Variants in ZC3H18 observed in about 807,000 individuals in gnomAD.
ZC3H18 encodes zinc finger CCCH domain-containing protein 18.
ZC3H18 carries 8 observed loss-of-function variants against 106.1 expected under a neutral mutation model. The ratio of observed to expected loss-of-function variants is 0.08; its 90% CI spans 0.04 to 0.14. The LOEUF (loss-of-function observed/expected upper bound fraction) is 0.14, where lower values mean the gene tolerates loss of function less well. ZC3H18 is among the 10% of genes least tolerant of loss of function. The probability of loss-of-function intolerance (pLI) is 1.00; values close to 1 mark genes in which losing one functional copy is unlikely to be tolerated. For synonymous variants in ZC3H18, 635 were observed against 522.1 expected (o/e 1.22, Z -2.95); for missense variants, 1,318 against 1,278.4 (o/e 1.03, Z -0.47).
At chr16:88,625,130 T>A (rs1906220676) in intron 12 of ZC3H18, 72 bp from the exon 13 acceptor site, 1 of 1,523,562 alleles carries the variant, frequency 6.6e-7, no homozygotes, top group African/African-American at 1.4e-5. Flanking sequence ...ACAGGGCTGC[T>A]GGTGGGGAGG....
At chr16:88,610,847 C>T (rs1905236391) in intron 7 of ZC3H18, among the ~76,000 whole-genome samples, 1 of 152,234 alleles carries the variant, frequency 6.6e-6, no homozygotes, top group Non-Finnish European at 1.5e-5. Context: ...AATGGACTTG[C>T]CCAGGCCACA....
intron 1 of ZC3H18, among the ~76,000 whole-genome samples, chr16:88,575,833 A>G (rs1284254557): frequency 6.6e-6 from 1 of 150,734 alleles, no homozygotes; most frequent in Non-Finnish European, 1.5e-5. Flanking sequence ...CCTGCGTCAG[A>G]CTCCCAAGTA....
Position 88,624,645 on chromosome 16 carries a change from C to G in ZC3H18, c.1942C>G (p.Gln648Glu). Residue 648 changes from glutamine (Q) to glutamate (E), a missense_variant, in exon 12 of 18, where the codon CAG (glutamine) becomes GAG (glutamate). Gln to Glu is a conservative substitution (Grantham distance 29). Transcript: ENST00000301011. ...GCCGGCCCCGCCTCCAGCCCCACCA[C>G]AGGCCACCAAAACCACTGCTCCTGT... is the stretch of plus-strand genomic sequence containing the variant. ...KKPAPPPAPPQATKTTAPVPE... is the reference protein window; with the variant it reads ...KKPAPPPAPPEATKTTAPVPE... 1.2e-6 allele frequency: 2 copies of G among 1,614,034 alleles called. No individual in the cohort carries two copies. The highest frequency in any genetic ancestry group is 8.5e-7 in the Non-Finnish European group (1 of 1,180,002).
At chr16:88,630,761 C>A (rs1021118654) in intron 17 of ZC3H18, among the ~76,000 whole-genome samples, 180 bp downstream of exon 17, 3 of 109,712 alleles carry the variant, frequency 2.7e-5, no homozygotes, top group Non-Finnish European at 4.3e-5. Context: ...CCCCCACCCC[C>A]CCCCACACAC....
chr16:88,612,175 G>A (rs1905308740), intron 8 of ZC3H18, among the ~76,000 whole-genome samples: 1 of 152,194 alleles, frequency 6.6e-6, no homozygotes, highest in Non-Finnish European at 1.5e-5. Context: ...AAATATACTT[G>A]ACTGTTAGAG....
chr16:88,590,560 A>ATTTTTTTTTTTTTT (rs1915685593), intron 3 of ZC3H18, among the ~76,000 whole-genome samples: 2 of 24,112 alleles, frequency 8.3e-5, no homozygotes, highest in Non-Finnish European at 1.8e-4. Context: ...GGGTTTCTTT[A>ATTTTTTTTTTTTTT]TTTCTTTTTT....
Position 88,631,411 on chromosome 16 carries a change from AG to A in ZC3H18, c.*113del. On this transcript the variant is annotated 3_prime_UTR_variant, in exon 18 of 18. Transcript: ENST00000301011. ...TGTGATTCTTTTTAAAAAGTAAAAA[AG>A]AAAAAAAAGTTTCTCAGCTGGAAAA... The A allele has an allele frequency of 7.0e-7, 1 of 1,424,118 alleles. No individual in the cohort carries two copies. The highest frequency in any genetic ancestry group is 9.5e-7 in the Non-Finnish European group (1 of 1,057,976). 88.2% of individuals were successfully genotyped at this position (1,424,118 alleles called of 1,614,324 possible).
In ZC3H18 at chr16:88,625,168, C is replaced by T. The variant is rs375204286; in HGVS notation, c.2043-34C>T. On this transcript the variant is annotated intron_variant, in intron 12 of 17. Transcript: ENST00000301011. ...AGGCCGCGAGGGGCTGTGGAGGCCA[C>T]GCCCCCTGAGCCCCGCTGTTGCTTG... 17 of 1,556,566 alleles carry T rather than the reference C, an allele frequency of 1.1e-5. No individual in the cohort carries two copies. In the Admixed American group the frequency reaches 1.7e-4, roughly 16 times the overall value.
chr16:88,616,237 T>G (rs1234084942), intron 8 of ZC3H18, among the ~76,000 whole-genome samples: 3 of 152,234 alleles, frequency 2.0e-5, no homozygotes, highest in Non-Finnish European at 4.4e-5. Flanking sequence ...CTGTACTAAA[T>G]GAGTTTTTCT....
chr16:88,585,120 T>C lies in ZC3H18; in HGVS notation c.604-1480T>C, dbSNP rs182553065. 3.5e-3 allele frequency among the ~76,000 whole-genome samples: 536 copies of C among 152,358 alleles called. 2 individuals are homozygous for C. The highest frequency in any genetic ancestry group is 6.6e-3 in the Non-Finnish European group (449 of 68,030). On this transcript the variant is annotated intron_variant, in intron 2 of 17. Transcript: ENST00000301011. The stretch of plus-strand genomic sequence containing the variant: ...GAGACATCCTGTCACTTGGCATAAA[T>C]TAAACATGCCTTCTCTGATCATTTC...
chr16:88,597,822 A>G (rs1343344929), intron 3 of ZC3H18, among the ~76,000 whole-genome samples: 1 of 152,270 alleles, frequency 6.6e-6, no homozygotes, highest in Non-Finnish European at 1.5e-5. Flanking sequence ...AGTTGTACCT[A>G]GATGAGCCTG....
At chr16:88,592,478 T>A (rs1419008274) in intron 3 of ZC3H18, among the ~76,000 whole-genome samples, 1 of 152,174 alleles carries the variant, frequency 6.6e-6, no homozygotes. Context: ...TCTTTCATTT[T>A]ATTTTACTTT....
chr16:88,599,954 G>A lies in ZC3H18; in HGVS notation c.1088+6G>A. On this transcript the variant is annotated splice_donor_region_variant and intron_variant, in intron 6 of 17. Coordinates refer to ENST00000301011, the MANE Select transcript of ZC3H18 (RefSeq NM_144604.4). ...AGAGATGTCAGAGACACAGTGTAAG[G>A]AATGGCCCTGCCTGCCCCTCCGTTT... 1 of 1,613,586 alleles carries A rather than the reference G, an allele frequency of 6.2e-7. No homozygotes were observed. The highest frequency in any genetic ancestry group is 8.5e-7 in the Non-Finnish European group (1 of 1,179,716).
chr16:88,570,627 GC>G (rs1914331908), intron 1 of ZC3H18, 61 bp downstream of exon 1: 1 of 150,594 alleles, frequency 6.6e-6, no homozygotes, highest in African/African-American at 2.4e-5. Context: ...GGAGGAGGCC[GC>G]CGAGGCGGCG....
At chr16:88,630,626 G>C (rs750760823) in intron 17 of ZC3H18, 45 bp downstream of exon 17, 1 of 1,527,640 alleles carries the variant, frequency 6.5e-7, no homozygotes, top group South Asian at 1.2e-5. Context: ...GAGGGGGCCA[G>C]CCCCAGTCGC....
chr16:88,577,445 C>T lies in ZC3H18; in HGVS notation c.322C>T (p.Arg108Trp), dbSNP rs376246596. ...GGAGGGGGACGAAGGGGAGGAAGAC[C>T]GGACAAGCGACCTTAGGGATGAGGC... ...EEEGDEGEEDRTSDLRDEASS... is the reference protein window; with the variant it reads ...EEEGDEGEEDWTSDLRDEASS... The change falls in exon 2 of 18, where the codon CGG becomes TGG. Residue 108 changes from arginine (R) to tryptophan (W), a missense_variant. This residue lies in a region of ZC3H18 where 346 missense variants were observed against 269.0 expected (regional missense o/e 1.29). Coordinates refer to ENST00000301011, the MANE Select transcript of ZC3H18 (RefSeq NM_144604.4). 14 of 1,609,178 alleles carry T rather than the reference C, an allele frequency of 8.7e-6. No individual in the cohort carries two copies. Among genetic ancestry groups the T allele is most frequent in the Middle Eastern group, 1.7e-4 (1 of 6,058 alleles).
intron 2 of ZC3H18, among the ~76,000 whole-genome samples, chr16:88,581,055 C>G (rs1915098844): frequency 6.6e-6 from 1 of 152,220 alleles, no homozygotes; most frequent in African/African-American, 2.4e-5. Flanking sequence ...CGTGGCCTAC[C>G]CCTTGGCACC....
In ZC3H18 at chr16:88,611,469, C is replaced by G; in HGVS notation, c.1408C>G (p.Arg470Gly). The change falls in exon 8 of 18, where the codon CGC (arginine) becomes GGC (glycine). Residue 470 changes from arginine (R) to glycine (G), a missense_variant. Arg to Gly is a moderately radical substitution (Grantham distance 125). Around this residue, in one of 6 missense-constraint regions of ZC3H18, gnomAD observed 848 missense variants for 821.7 expected, o/e 1.03. Coordinates refer to ENST00000301011, the MANE Select transcript of ZC3H18 (RefSeq NM_144604.4). ...RDEKDRQHRDRDREKEREKEK... is the reference protein window; with the variant it reads ...RDEKDRQHRDGDREKEREKEK... The stretch of plus-strand genomic sequence containing the variant: ...CGAGAAGGACCGGCAGCACCGTGAC[C>G]GCGACCGGGAGAAGGAGCGGGAGAA... 2 of 1,547,882 alleles carry G rather than the reference C, an allele frequency of 1.3e-6. No homozygotes were observed. The highest frequency in any genetic ancestry group is 2.4e-5 in the East Asian group (1 of 40,874).
At chr16:88,613,552 G>A (rs919393583) in intron 8 of ZC3H18, among the ~76,000 whole-genome samples, 1 of 152,116 alleles carries the variant, frequency 6.6e-6, no homozygotes, top group Non-Finnish European at 1.5e-5. Context: ...TGGGTGTGAC[G>A]TCTCCCTGCC....
Sources: gnomAD v4.1 joint callset for allele counts (sites outside exome capture counted in the v4.1 genomes callset) on GRCh38, gnomAD v4.1.1 for gene constraint, gnomAD v4.1.1 regional missense constraint, MANE v1.5 for transcripts, NCBI Gene and HGNC (gene_info 2026-07-23, HGNC 2026-07-21) for gene names.